The following MDN1 variants were observed in gnomAD, a reference collection of about 807,000 sequenced individuals.
MDN1 encodes midasin.
A neutral mutation model predicts 669.2 loss-of-function variants in MDN1; 266 were observed. The ratio of observed to expected loss-of-function variants is 0.40; its 90% CI spans 0.36 to 0.44. MDN1 has a LOEUF of 0.44. Ranked by LOEUF, MDN1 falls within the 20% of genes least tolerant of loss-of-function variation. The pLI is 1.00. For missense variants in MDN1, 5,940 were observed against 6,754.0 expected, an observed-to-expected ratio of 0.88 and a Z score of 4.22; for synonymous variants, 2,385 against 2,457.1, an observed-to-expected ratio of 0.97 and a Z score of 0.87.
Position 89,671,098 on chromosome 6 carries a change from CA to C in MDN1, c.13795-19del. 6.2e-7 allele frequency: 1 copy of C among 1,610,738 alleles called. No individual in the cohort carries two copies. The highest frequency in any genetic ancestry group is 8.5e-7 in the Non-Finnish European group (1 of 1,178,460). The stretch of plus-strand genomic sequence containing the variant: ...CTGAAGAACTGAGACCAAAACAAAA[CA>C]AAAGGCCTGCTCACACTGCTTGGCA... On this transcript the variant is annotated intron_variant, in intron 82 of 101. Coordinates refer to ENST00000369393, the MANE Select transcript of MDN1 (RefSeq NM_014611.3).
rs1813983396 is a variant in MDN1, at chr6:89,712,137, A to C, written c.7550T>G (p.Val2517Gly). 6.2e-7 allele frequency: 1 copy of C among 1,614,176 alleles called. No homozygotes were observed. The highest frequency in any genetic ancestry group is 8.5e-7 in the Non-Finnish European group (1 of 1,180,020). Residue 2517 changes from valine (V) to glycine (G), a missense_variant, in exon 49 of 102, where the codon GTC becomes GGC. Val to Gly is a moderately radical substitution (Grantham distance 109). Transcript: ENST00000369393. ...TTCTATGAGCAATTTAACAGCCATG[A>C]CCAAAACATCTGGTTCATCGATCCA... is the stretch of plus-strand genomic sequence containing the variant. ...TYWIDEPDVL[V>G]MAVKLLIERA...
chr6:89,662,201 A>G lies in MDN1; in HGVS notation c.14451T>C (p.Asp4817=). 1 of 1,613,360 alleles carries G rather than the reference A, an allele frequency of 6.2e-7. No individual in the cohort carries two copies. The change falls in exon 87 of 102, where the codon GAT becomes GAC. Residue 4817 remains aspartate, a synonymous_variant. Coordinates refer to ENST00000369393, the MANE Select transcript of MDN1 (RefSeq NM_014611.3). ...SELVAKDDNL[D]SGNSNKDKSQ... is the part of the protein sequence containing the mutation. ...TTTTATCTTTGTTTGAATTGCCACTATCCAAGTTGTCATCTTTAGCAACAA... is the reference window on the plus strand; with the variant it reads ...TTTTATCTTTGTTTGAATTGCCACTGTCCAAGTTGTCATCTTTAGCAACAA...
At chr6:89,693,794 C>T (rs1812538172) in intron 62 of MDN1, among the ~76,000 whole-genome samples, 1 of 152,164 alleles carries the variant, frequency 6.6e-6, no homozygotes, top group Non-Finnish European at 1.5e-5. Flanking sequence ...CCAAGAATAG[C>T]AGAGAAATAT....
chr6:89,683,588 G>A (rs954737893), intron 72 of MDN1, among the ~76,000 whole-genome samples: 10 of 152,128 alleles, frequency 6.6e-5, no homozygotes, highest in African/African-American at 2.2e-4. Context: ...GCTAGTGGGT[G>A]GCAGAAGACT....
rs1470170008 is a variant in MDN1, at chr6:89,672,584, C to G, written c.13593G>C (p.Glu4531Asp). Reference protein sequence around the residue: ...NLEERKNEKAEENTDQASPQE... With the variant: ...NLEERKNEKADENTDQASPQE... ...GTGGGCTTGCTTGGTCAGTGTTCTC[C>G]TCTGCTTTTTCATTCTTTCTTTCTT... The change falls in exon 81 of 102, where the codon GAG becomes GAC. Residue 4531 changes from glutamate to aspartate, a missense_variant. Glu to Asp is a conservative substitution (Grantham distance 45). This residue lies in a region of MDN1 where 2,280 missense variants were observed against 2,576.3 expected (regional missense o/e 0.88). Coordinates refer to ENST00000369393, the MANE Select transcript of MDN1 (RefSeq NM_014611.3). 1 of 1,614,104 alleles carries G rather than the reference C, an allele frequency of 6.2e-7. No individual in the cohort carries two copies. The highest frequency in any genetic ancestry group is 1.1e-5 in the South Asian group (1 of 91,072).
rs761704555 is a variant in MDN1 at position 89,714,535 on chromosome 6, C to T, written c.7069+8G>A. 6.3e-7 allele frequency: 1 copy of T among 1,577,780 alleles called. No individual in the cohort carries two copies. Among genetic ancestry groups the T allele is most frequent in the Non-Finnish European group, 8.6e-7 (1 of 1,162,964 alleles). Reference sequence around the variant, plus strand: ...ACTCTGCAAAGGCCCAAAAGTCAAGCACCTCACCTACAACAGTGCTCCGGG... The same window carrying T: ...ACTCTGCAAAGGCCCAAAAGTCAAGTACCTCACCTACAACAGTGCTCCGGG... On this transcript the variant is annotated splice_region_variant and intron_variant, in intron 46 of 101. Transcript: ENST00000369393.
At chr6:89,657,563 T>C (rs2128300146) in intron 90 of MDN1, among the ~76,000 whole-genome samples, 1 of 152,354 alleles carries the variant, frequency 6.6e-6, no homozygotes, top group East Asian at 1.9e-4. Flanking sequence ...AAGGTATACA[T>C]TGCCTGAAGT....
chr6:89,734,628 CCA>C (rs1815805875), intron 33 of MDN1, among the ~76,000 whole-genome samples: 1 of 143,372 alleles, frequency 7.0e-6, no homozygotes, highest in African/African-American at 2.6e-5. Context: ...CCACTGTACT[CCA>C]GCCTGGATGA....
intron 44 of MDN1, 95 bp from the exon 45 acceptor site, chr6:89,715,864 A>G (rs1447964748): frequency 2.5e-6 from 2 of 807,344 alleles, no homozygotes. Context: ...TTTGACTCAC[A>G]TTTCCTTTCG....
At position 89,745,354 on chromosome 6, in the gene MDN1, G is replaced by C. The variant is rs762715477; in HGVS notation, c.4097C>G (p.Thr1366Ser). The change falls in exon 29 of 102, where the codon ACT becomes AGT. Residue 1366 changes from threonine to serine, a missense_variant. Thr to Ser is a moderately conservative substitution (Grantham distance 58). Coordinates refer to ENST00000369393, the MANE Select transcript of MDN1 (RefSeq NM_014611.3). ...CATCGCGAGTCTCCGCATGCCCTCA[G>C]TCCACACGATATGGCCAAAGTTACA... The part of the protein sequence containing the change: ...LECNFGHIVW[T>S]EGMRRLAMLV... 6.2e-7 allele frequency: 1 copy of C among 1,613,880 alleles called. No homozygotes were observed. Among genetic ancestry groups the C allele is most frequent in the African/African-American group, 1.3e-5 (1 of 74,862 alleles).
intron 2 of MDN1, among the ~76,000 whole-genome samples, chr6:89,801,767 C>G (rs970361046): frequency 6.6e-6 from 1 of 150,982 alleles, no homozygotes; most frequent in Non-Finnish European, 1.5e-5. Flanking sequence ...GCACTCCAGA[C>G]TGGGCGACAA....
At position 89,745,623 on chromosome 6, in the gene MDN1, T is replaced by C; in HGVS notation, c.3908A>G (p.Tyr1303Cys). 1 of 1,613,658 alleles carries C rather than the reference T, an allele frequency of 6.2e-7. No homozygotes were observed. The highest frequency in any genetic ancestry group is 8.5e-7 in the Non-Finnish European group (1 of 1,179,812). The change falls in exon 28 of 102, where the codon TAT (tyrosine) becomes TGT (cysteine). Residue 1303 changes from tyrosine (Y) to cysteine (C), a missense_variant. Around this residue, in one of 5 missense-constraint regions of MDN1, gnomAD observed 2,292 missense variants for 2,638.3 expected, o/e 0.87. Transcript: ENST00000369393. ...CCTGACTCGACCTGCCAGAAGCATA[T>C]AACCTGGGAGGAGGAGGAGGAAAAG... ...DWLQHLANDG[Y>C]MLLAGRVRKQ...
rs372380141 is a variant in MDN1, at chr6:89,727,688, G to T, written c.5472+145C>A. ...CCAAGTGACCTTCCTCATTCTTAAA[G>T]AAAACTACAGAGGATCTTTTCATTA... On this transcript the variant is annotated intron_variant, in intron 37 of 101. Coordinates refer to ENST00000369393, the MANE Select transcript of MDN1 (RefSeq NM_014611.3). 101 of 1,343,230 alleles carry T rather than the reference G, an allele frequency of 7.5e-5. 1 individual carries two copies. Among genetic ancestry groups the T allele is most frequent in the Non-Finnish European group, 1.8e-5 (18 of 983,660 alleles). The allele number at this position is 1,343,230 out of a possible 1,614,324, so 83.2% of individuals were successfully genotyped here.
intron 15 of MDN1, among the ~76,000 whole-genome samples, chr6:89,766,300 A>G (rs992583629): frequency 8.0e-5 from 12 of 149,164 alleles, no homozygotes; most frequent in Non-Finnish European, 1.6e-4. Context: ...CTCCATCTCA[A>G]AAAAAAAAAA....
In MDN1 at chr6:89,762,410, A is replaced by G. The variant is rs1281193563; in HGVS notation, c.2265T>C (p.Cys755=). The G allele has an allele frequency of 6.2e-7, 1 of 1,614,152 alleles. No homozygotes were observed. The highest frequency in any genetic ancestry group is 8.5e-7 in the Non-Finnish European group (1 of 1,180,016). The stretch of plus-strand genomic sequence containing the variant: ...GATCATGCCACCGTTTCTGTCTGTA[A>G]CAGGTCTGAATGTGCCCCAAGAACG... ...NFTFLGHIQT[C]YRQKRWHDLL... The change falls in exon 16 of 102, where the codon TGT becomes TGC. Residue 755 remains cysteine, a synonymous_variant. Transcript: ENST00000369393.
Position 89,793,780 on chromosome 6 carries a change from C to T in MDN1, c.837G>A (p.Leu279=), listed in dbSNP as rs1249264306. 1.9e-6 allele frequency: 3 copies of T among 1,613,652 alleles called. No homozygotes were observed. The highest frequency in any genetic ancestry group is 1.7e-6 in the Non-Finnish European group (2 of 1,179,782). ...AVCGVVLPGQ[L]PAPGELGGNR... ...AACATACCAGCTCTCCAGGGGCTGG[C>T]AGCTGCCCAGGCAGCACCACACCAC... is the stretch of plus-strand genomic sequence containing the variant. Residue 279 remains leucine, a synonymous_variant, in exon 5 of 102, where the codon CTG becomes CTA. Coordinates refer to ENST00000369393, the MANE Select transcript of MDN1 (RefSeq NM_014611.3).
intron 33 of MDN1, among the ~76,000 whole-genome samples, chr6:89,734,470 T>C (rs1237132509): frequency 3.9e-5 from 6 of 152,008 alleles, no homozygotes; most frequent in Non-Finnish European, 8.8e-5. Context: ...CTGGCCAATA[T>C]GGCAAAACCC....
At position 89,643,343 on chromosome 6, in the gene MDN1, A is replaced by T. The variant is rs1584066987; in HGVS notation, c.*662T>A. 6.6e-6 allele frequency: 1 copy of T among 152,216 alleles called. No individual in the cohort carries two copies. Among genetic ancestry groups the T allele is most frequent in the South Asian group, 2.1e-4 (1 of 4,836 alleles). 9.4% of individuals were successfully genotyped at this position (152,216 alleles called of 1,614,324 possible). A position where few individuals can be genotyped will look rare whatever the true frequency, so the allele number is the denominator to read the frequency against. On this transcript the variant is annotated 3_prime_UTR_variant, in exon 102 of 102. Transcript: ENST00000369393. ...TCTCCCGAAGCAGCAAGTGTGAAAGAGGATACTGAAAAGCCACTTCATTTT... is the reference window on the plus strand; with the variant it reads ...TCTCCCGAAGCAGCAAGTGTGAAAGTGGATACTGAAAAGCCACTTCATTTT...
chr6:89,794,371 C>T (rs938411248), intron 3 of MDN1, among the ~76,000 whole-genome samples, 164 bp from the exon 4 acceptor site: 5 of 152,114 alleles, frequency 3.3e-5, no homozygotes, highest in Non-Finnish European at 2.9e-5. Flanking sequence ...CTTGATGGAA[C>T]ATGAAAAAGG....
Sources: allele counts gnomAD v4.1 joint callset (sites outside exome capture counted in the v4.1 genomes callset), GRCh38; gene constraint gnomAD v4.1.1; regional missense constraint gnomAD v4.1.1; transcripts MANE v1.5; gene names NCBI Gene and HGNC (gene_info 2026-07-23, HGNC 2026-07-21).